The following THRA variants were observed in gnomAD, a reference collection of about 807,000 sequenced individuals.
THRA encodes the protein EAR-7.
In THRA, 13 loss-of-function variants were observed where a neutral mutation model predicts 45.0. That is an observed-to-expected ratio of 0.29 (90% CI 0.19 to 0.46). The LOEUF (loss-of-function observed/expected upper bound fraction) is 0.46. THRA is among the 20% of genes least tolerant of loss of function. The probability of loss-of-function intolerance (pLI) is 1.00; values close to 1 mark genes in which losing one functional copy is unlikely to be tolerated. For synonymous variants in THRA, 195 were observed against 214.0 expected, an observed-to-expected ratio of 0.91 and a Z score of 0.78; for missense variants, 278 against 556.1, an observed-to-expected ratio of 0.50 and a Z score of 5.03.
chr17:40,093,658 C>G (rs1222186428), downstream of THRA: 1 of 646,578 alleles, frequency 1.5e-6, no homozygotes, highest in African/African-American at 1.8e-5. The surrounding 1 kb of genome is among the most constrained non-coding windows in gnomAD (Gnocchi z 5.9). Flanking sequence ...TCAAGTGTCA[C>G]CTCCTTCCCC....
rs1021822211 is a variant in THRA at position 40,089,881 on chromosome 17, C to T, written c.*425C>T. On this transcript the variant is annotated 3_prime_UTR_variant, in exon 9 of 9. Coordinates refer to ENST00000450525, the MANE Select transcript of THRA (RefSeq NM_199334.5). This position sits in a 1 kb window ranked among gnomAD's most constrained non-coding sequence, Gnocchi z 6.1. The stretch of plus-strand genomic sequence containing the variant: ...ACCCAGTTCCTTGGCCTAGGTCTCC[C>T]CTCCAGGCTGAGGGCCTCTCTACTT... 9 of 1,008,948 alleles carry T rather than the reference C, an allele frequency of 8.9e-6. No homozygotes were observed. The highest frequency in any genetic ancestry group is 1.1e-5 in the Non-Finnish European group (9 of 844,170). The allele number at this position is 1,008,948 out of a possible 1,614,324, so 62.5% of individuals were successfully genotyped here.
intron 1 of THRA, among the ~76,000 whole-genome samples, chr17:40,073,741 C>G (rs775088629): frequency 1.1e-4 from 17 of 152,120 alleles, no homozygotes; most frequent in Non-Finnish European, 2.2e-4. Flanking sequence ...CACTGCGTGC[C>G]GCTCTATGTC....
chr17:40,065,042 G>A (rs1986504129), intron 1 of THRA, among the ~76,000 whole-genome samples: 1 of 133,786 alleles, frequency 7.5e-6, no homozygotes. Context: ...TGCGGGAATG[G>A]GCTGTTTTTT....
intron 4 of THRA, among the ~76,000 whole-genome samples, chr17:40,083,193 C>T (rs1016816152): frequency 1.3e-5 from 2 of 152,022 alleles, no homozygotes; most frequent in Non-Finnish European, 2.9e-5. Flanking sequence ...TCCCAAAGTG[C>T]TGGGATTACA....
chr17:40,062,394 C>A (rs1193437298), upstream of THRA: 1 of 152,128 alleles, frequency 6.6e-6, no homozygotes, highest in Non-Finnish European at 1.5e-5. Context: ...ACCTGCCCAG[C>A]CCTCGCAGCT....
rs1987410629 is a variant in THRA at position 40,088,448 on chromosome 17, C to A, written c.930C>A (p.Asn310Lys). The A allele has an allele frequency of 6.2e-7, 1 of 1,613,956 alleles. No individual in the cohort carries two copies. The highest frequency in any genetic ancestry group is 1.7e-5 in the Admixed American group (1 of 59,984). Residue 310 changes from asparagine (N) to lysine (K), a missense_variant, in exon 8 of 9, where the codon AAC becomes AAA. Physicochemically the swap from Asn to Lys is moderately conservative, Grantham distance 94. This residue lies in a region of THRA where 66 missense variants were observed against 94.7 expected (regional missense o/e 0.70). Coordinates refer to ENST00000450525, the MANE Select transcript of THRA (RefSeq NM_199334.5). ...TGGGCAAGTCACTCTCTGCCTTTAA[C>A]CTGGATGACACGGAAGTGGCTCTGC... ...FELGKSLSAF[N>K]LDDTEVALLQ...
rs530738696 is a variant in THRA at position 40,090,859 on chromosome 17, G to T, written c.*1403G>T. On this transcript the variant is annotated 3_prime_UTR_variant, in exon 9 of 9. Coordinates refer to ENST00000450525, the MANE Select transcript of THRA (RefSeq NM_199334.5). ...CCCCTCTTCTTTTCTCTAATTCAGGGACTTTGGCTTGAGCCCCTCTCGCCC... is the reference window on the plus strand; with the variant it reads ...CCCCTCTTCTTTTCTCTAATTCAGGTACTTTGGCTTGAGCCCCTCTCGCCC... 1.6e-4 allele frequency: 24 copies of T among 152,354 alleles called. No individual in the cohort carries two copies. The highest frequency in any genetic ancestry group is 5.5e-4 in the African/African-American group (23 of 41,508). The allele number at this position is 152,354 out of a possible 1,614,324, so 9.4% of individuals were successfully genotyped here. A position where few individuals can be genotyped will look rare whatever the true frequency, so the allele number is the denominator to read the frequency against.
At chr17:40,063,608 C>G (rs1986445558) in intron 1 of THRA, among the ~76,000 whole-genome samples, 1 of 152,218 alleles carries the variant, frequency 6.6e-6, no homozygotes, top group African/African-American at 2.4e-5. Context: ...GGGAAGTTCC[C>G]CCGCCTCACC....
chr17:40,093,162 A>T, downstream of THRA: 1 of 1,613,934 alleles, frequency 6.2e-7, no homozygotes, highest in Non-Finnish European at 8.5e-7. The surrounding 1 kb of genome is among the most constrained non-coding windows in gnomAD (Gnocchi z 5.9). Flanking sequence ...CAGCTTGAGC[A>T]GCAGCTTGGT....
At position 40,089,504 on chromosome 17, in the gene THRA, G is replaced by A. The variant is rs778414590; in HGVS notation, c.*48G>A. ...TGCGGAGCTGGTGGGGAGGAGCCTGGAGAGAAGGGGCAGAGCTGGGGGCTG... is the reference window on the plus strand; with the variant it reads ...TGCGGAGCTGGTGGGGAGGAGCCTGAAGAGAAGGGGCAGAGCTGGGGGCTG... On this transcript the variant is annotated 3_prime_UTR_variant, in exon 9 of 9. Transcript: ENST00000450525. This position sits in a 1 kb window ranked among gnomAD's most constrained non-coding sequence, Gnocchi z 6.1. The A allele has an allele frequency of 2.4e-5, 39 of 1,598,908 alleles. No homozygotes were observed. Among genetic ancestry groups the A allele is most frequent in the Non-Finnish European group, 3.1e-5 (36 of 1,172,022 alleles).
chr17:40,086,579 C>T lies in THRA; in HGVS notation c.577-128C>T. ...CTCAAGATGAAGGAAAAGCTTTGGG[C>T]CTGGGACTCAGGCACGGGCGGCCCC... is the stretch of plus-strand genomic sequence containing the variant. On this transcript the variant is annotated intron_variant, in intron 6 of 8. Transcript: ENST00000450525. 4 of 1,185,118 alleles carry T rather than the reference C, an allele frequency of 3.4e-6. No homozygotes were observed. The East Asian group carries it at 7.6e-5, about 22-fold the overall frequency. 73.4% of individuals were successfully genotyped at this position (1,185,118 alleles called of 1,614,324 possible). A position where few individuals can be genotyped will look rare whatever the true frequency, so the allele number is the denominator to read the frequency against.
At chr17:40,068,844 G>T (rs1336718792) in intron 1 of THRA, 3 of 152,312 alleles carry the variant, frequency 2.0e-5, no homozygotes, top group Non-Finnish European at 4.4e-5. Context: ...GGGGAAACAG[G>T]GGAACCGAGG....
chr17:40,063,842 C>G (rs1986455689), intron 1 of THRA, among the ~76,000 whole-genome samples: 1 of 151,922 alleles, frequency 6.6e-6, no homozygotes, highest in African/African-American at 2.4e-5. Flanking sequence ...CCATCTGGGG[C>G]CCTCCCTTGT....
intron 1 of THRA, among the ~76,000 whole-genome samples, chr17:40,065,439 C>G (rs2145037780): frequency 6.6e-6 from 1 of 152,130 alleles, no homozygotes; most frequent in East Asian, 1.9e-4. Flanking sequence ...GAATTTCTCT[C>G]TAACTCTGTC....
chr17:40,064,696 A>T (rs1159360792), intron 1 of THRA, among the ~76,000 whole-genome samples: 2 of 152,198 alleles, frequency 1.3e-5, no homozygotes, highest in African/African-American at 4.8e-5. Flanking sequence ...CTAGACAGTG[A>T]GCTCTTGGAG....
At chr17:40,065,631 CT>C in intron 1 of THRA, among the ~76,000 whole-genome samples, 1 of 152,318 alleles carries the variant, frequency 6.6e-6, no homozygotes, top group South Asian at 2.1e-4. Flanking sequence ...AGCTCCGCCC[CT>C]CTGCCCCCCC....
At chr17:40,063,452 GGTTT>G (rs954087152) in intron 1 of THRA, among the ~76,000 whole-genome samples, 2 of 151,920 alleles carry the variant, frequency 1.3e-5, no homozygotes, top group African/African-American at 4.8e-5. Context: ...GCCGCGCCGC[GGTTT>G]GTTTACGGTG....
intron 1 of THRA, among the ~76,000 whole-genome samples, chr17:40,063,462 C>G (rs1168995646): frequency 2.0e-5 from 3 of 151,986 alleles, no homozygotes; most frequent in African/African-American, 7.2e-5. Flanking sequence ...GGTTTGTTTA[C>G]GGTGCGCCGG....
chr17:40,083,313 C>T (rs933795022), intron 4 of THRA, among the ~76,000 whole-genome samples: 7 of 151,954 alleles, frequency 4.6e-5, no homozygotes, highest in African/African-American at 7.3e-5. Flanking sequence ...ATGATTCATC[C>T]GCCTTGGCCT....
Sources: allele counts gnomAD v4.1 joint callset (sites outside exome capture counted in the v4.1 genomes callset), GRCh38; gene constraint gnomAD v4.1.1; regional missense constraint gnomAD v4.1.1; non-coding constraint Gnocchi (gnomAD v3.1); transcripts MANE v1.5; gene names NCBI Gene and HGNC (gene_info 2026-07-23, HGNC 2026-07-21).